PUDP: variants seen among roughly 807,000 people sequenced by gnomAD.
PUDP encodes the protein pseudouridine 5'-phosphatase.
PUDP carries 8 observed loss-of-function variants against 9.4 expected under a neutral mutation model. That is an observed-to-expected ratio of 0.85 (90% CI 0.50 to 1.53). PUDP has a LOEUF of 1.53. Ranked by LOEUF, PUDP falls within the 40% of genes most tolerant of loss-of-function variation. The pLI is 0.00. For synonymous variants in PUDP, 99 were observed against 80.7 expected, an observed-to-expected ratio of 1.23 and a Z score of -1.22; for missense variants, 188 against 189.7, an observed-to-expected ratio of 0.99 and a Z score of 0.05.
At chrX:7,103,305 G>A (rs1326420387) in intron 2 of PUDP, among the ~76,000 whole-genome samples, 1 of 112,117 alleles carries the variant, frequency 8.9e-6, no homozygotes, top group African/African-American at 3.2e-5. Context: ...ACTCAATGGG[G>A]AAAAGATAAG....
chrX:7,003,251 A>G (rs936821596), intron 1 of PUDP, among the ~76,000 whole-genome samples: 5 of 111,547 alleles, frequency 4.5e-5, no homozygotes, highest in African/African-American at 1.6e-4. Context: ...CATAGAGGGT[A>G]AAACTATAAA....
intron 1 of PUDP, among the ~76,000 whole-genome samples, chrX:7,120,009 A>G (rs1399090519): frequency 8.9e-6 from 1 of 112,216 alleles, no homozygotes; most frequent in African/African-American, 3.2e-5. Context: ...CACATAAGAA[A>G]GCAAAAGGCA....
At chrX:7,084,338 C>T (rs1008177371) in intron 2 of PUDP, among the ~76,000 whole-genome samples, 12 of 112,339 alleles carry the variant, frequency 1.1e-4, no homozygotes, top group Admixed American at 1.9e-4. Context: ...TATTTCCTGC[C>T]GTCTGTTTTC....
At chrX:6,962,785 A>G (rs1272890438) in intron 3 of PUDP, among the ~76,000 whole-genome samples, 1 of 112,910 alleles carries the variant, frequency 8.9e-6, no homozygotes, top group Non-Finnish European at 1.9e-5. Context: ...GAATAAATCT[A>G]GAGTTTCAAA....
chrX:6,951,336 C>T (rs962456235), intron 3 of PUDP, among the ~76,000 whole-genome samples: 1 of 110,492 alleles, frequency 9.1e-6, no homozygotes, highest in Non-Finnish European at 1.9e-5. Context: ...TCATATCTAT[C>T]TATCGAGCCA....
At chrX:6,726,670 T>C (rs1924741875) in intron 3 of PUDP, among the ~76,000 whole-genome samples, 1 of 111,786 alleles carries the variant, frequency 8.9e-6, no homozygotes. Flanking sequence ...CACACAGTTA[T>C]AGAAATGTCA....
chrX:7,122,189 C>A (rs1331329839), intron 1 of PUDP, among the ~76,000 whole-genome samples: 2 of 98,858 alleles, frequency 2.0e-5, no homozygotes, highest in African/African-American at 3.9e-5. Flanking sequence ...AGAGTAAGAC[C>A]CTGTCTCAAA....
At chrX:7,079,110 T>A (rs1435717285) in intron 2 of PUDP, among the ~76,000 whole-genome samples, 2 of 112,153 alleles carry the variant, frequency 1.8e-5, no homozygotes, top group African/African-American at 6.5e-5. Context: ...ACTACACAGA[T>A]AGATTGAAGA....
At chrX:7,056,335 G>A (rs925799752) in intron 3 of PUDP, among the ~76,000 whole-genome samples, 7 of 111,643 alleles carry the variant, frequency 6.3e-5, no homozygotes, top group South Asian at 3.8e-4. Context: ...CAGTGAAGCC[G>A]GAGAACTGGG....
chrX:6,850,304 G>A (rs1015172823), intron 3 of PUDP, among the ~76,000 whole-genome samples: 4 of 111,961 alleles, frequency 3.6e-5, no homozygotes, highest in African/African-American at 1.3e-4. Context: ...AATATCCAAT[G>A]GGCAAGGAAG....
intron 3 of PUDP, among the ~76,000 whole-genome samples, chrX:6,946,246 C>G (rs1373350471): frequency 1.8e-5 from 2 of 111,998 alleles, no homozygotes; most frequent in Admixed American, 1.9e-4. Flanking sequence ...ATTCCTTGTA[C>G]ATGGGACACA....
upstream of PUDP, among the ~76,000 whole-genome samples, chrX:6,725,651 C>A (rs1200409702): frequency 8.9e-6 from 1 of 111,789 alleles, no homozygotes; most frequent in East Asian, 2.8e-4. Context: ...GCCAAACAAG[C>A]ACATGAAAAA....
At chrX:7,088,657 G>A (rs1378856055) in intron 2 of PUDP, among the ~76,000 whole-genome samples, 1 of 111,798 alleles carries the variant, frequency 8.9e-6, no homozygotes, top group Non-Finnish European at 1.9e-5. Context: ...TAATAGCATG[G>A]GATACATGTG....
At chrX:6,901,731 G>A (rs750372136) in intron 3 of PUDP, among the ~76,000 whole-genome samples, 8 of 112,819 alleles carry the variant, frequency 7.1e-5, no homozygotes, top group Non-Finnish European at 1.3e-4. Context: ...AGAGGAAACG[G>A]TATTGCCACA....
At chrX:7,040,798 C>T (rs1371634442) in intron 1 of PUDP, among the ~76,000 whole-genome samples, 3 of 110,692 alleles carry the variant, frequency 2.7e-5, no homozygotes, top group Admixed American at 9.6e-5. Flanking sequence ...CATGAGTGCT[C>T]GGGACATCAT....
intron 2 of PUDP, among the ~76,000 whole-genome samples, chrX:7,077,854 T>C (rs1036805881): frequency 8.9e-6 from 1 of 112,261 alleles, no homozygotes; most frequent in Non-Finnish European, 1.9e-5. Context: ...ATACTTTTTT[T>C]TCCAGAGCAG....
intron 3 of PUDP, among the ~76,000 whole-genome samples, chrX:6,929,359 C>T (rs1928154898): frequency 8.9e-6 from 1 of 112,300 alleles, no homozygotes; most frequent in Non-Finnish European, 1.9e-5. Context: ...TCAGTCAATA[C>T]AAGATGAACA....
At chrX:7,086,531 G>T (rs917269733) in intron 2 of PUDP, among the ~76,000 whole-genome samples, 12 of 112,021 alleles carry the variant, frequency 1.1e-4, no homozygotes, top group African/African-American at 3.9e-4. Context: ...GTGAGTGGGC[G>T]TCTCTTAATG....
chrX:6,710,008 A>T (rs1924513348), intron 1 of PUDP, among the ~76,000 whole-genome samples: 1 of 111,467 alleles, frequency 9.0e-6, no homozygotes, highest in Non-Finnish European at 1.9e-5. Context: ...CTGTAATCTC[A>T]GCTACTCACA....
Sources: allele counts gnomAD v4.1 joint callset (sites outside exome capture counted in the v4.1 genomes callset), GRCh38; gene constraint gnomAD v4.1.1; transcripts MANE v1.5; gene names NCBI Gene and HGNC (gene_info 2026-07-23, HGNC 2026-07-21).